The following CNTN5 variants were observed in gnomAD, a reference collection of about 807,000 sequenced individuals.
The protein encoded by CNTN5 is contactin 5.
A neutral mutation model predicts 129.1 loss-of-function variants in CNTN5; 77 were observed. The ratio of observed to expected loss-of-function variants is 0.60; its 90% CI spans 0.50 to 0.72. CNTN5 has a LOEUF of 0.72. CNTN5 is among the 30% of genes least tolerant of loss of function. The pLI is 0.00. For synonymous variants in CNTN5, 509 were observed against 465.6 expected, an observed-to-expected ratio of 1.09 and a Z score of -1.20; for missense variants, 1,478 against 1,328.8, an observed-to-expected ratio of 1.11 and a Z score of -1.75.
Position 100,183,770 on chromosome 11 carries a change from G to T in CNTN5, c.1581-7356G>T, listed in dbSNP as rs142888438. 4.5e-3 allele frequency among the ~76,000 whole-genome samples: 688 copies of T among 152,136 alleles called. 7 individuals carry two copies. Among genetic ancestry groups the T allele is most frequent in the African/African-American group, 0.016 (656 of 41,516 alleles). On this transcript the variant is annotated intron_variant, in intron 13 of 24. Transcript: ENST00000524871. The stretch of plus-strand genomic sequence containing the variant: ...ACACTTTAAACATGTGCGATTATAT[G>T]CCTATAATAACTCAGTAAAGTTGTT...
chr11:99,585,585 G>A (rs1451457183), intron 3 of CNTN5, among the ~76,000 whole-genome samples: 1 of 151,820 alleles, frequency 6.6e-6, no homozygotes, highest in African/African-American at 2.4e-5. Context: ...TTTCAGTATT[G>A]ATTTCTAATA....
At chr11:99,204,174 G>A (rs370079235) in intron 1 of CNTN5, among the ~76,000 whole-genome samples, 35 of 152,222 alleles carry the variant, frequency 2.3e-4, no homozygotes, top group African/African-American at 6.0e-4. Flanking sequence ...AAAGGTAATC[G>A]TTAATTCTCT....
intron 1 of CNTN5, among the ~76,000 whole-genome samples, chr11:99,166,385 G>T (rs1056939124): frequency 1.5e-5 from 2 of 133,812 alleles, no homozygotes; most frequent in Non-Finnish European, 3.1e-5. Flanking sequence ...GGGCCACAGA[G>T]CAAGACTCTG....
chr11:99,703,003 C>T (rs1417979093), intron 3 of CNTN5, among the ~76,000 whole-genome samples: 4 of 150,706 alleles, frequency 2.7e-5, no homozygotes, highest in South Asian at 2.1e-4. Flanking sequence ...AATGTATAAA[C>T]GTCGCATGAA....
At chr11:99,678,510 T>C (rs1043646968) in intron 3 of CNTN5, among the ~76,000 whole-genome samples, 2 of 152,074 alleles carry the variant, frequency 1.3e-5, no homozygotes, top group African/African-American at 4.8e-5. Context: ...ATCAAGAAAG[T>C]CAGCACTTAT....
chr11:100,285,877 G>A lies in CNTN5; in HGVS notation c.2315-11748G>A, dbSNP rs1030846000. ...ATCTCACTAGGGAGTGCCAGACAGT[G>A]GGCGCAGGTCAGTGGGTGCGCGCAC... On this transcript the variant is annotated intron_variant, in intron 18 of 24. Coordinates refer to ENST00000524871, the MANE Select transcript of CNTN5 (RefSeq NM_014361.4). 2.0e-4 allele frequency among the ~76,000 whole-genome samples: 30 copies of A among 152,194 alleles called. 1 individual carries two copies. The highest frequency in any genetic ancestry group is 1.4e-4 in the African/African-American group (6 of 41,458).
At chr11:99,793,461 T>C (rs1182041705) in intron 3 of CNTN5, among the ~76,000 whole-genome samples, 1 of 152,194 alleles carries the variant, frequency 6.6e-6, no homozygotes, top group African/African-American at 2.4e-5. Flanking sequence ...ATTTTATTTC[T>C]TGTCTTCCGC....
chr11:100,111,429 A>G (rs1198116112), intron 13 of CNTN5, among the ~76,000 whole-genome samples: 2 of 152,206 alleles, frequency 1.3e-5, no homozygotes, highest in East Asian at 3.9e-4. Flanking sequence ...TTTGTGATCC[A>G]GAGGCATGGC....
chr11:99,427,099 C>T (rs1943153280), intron 2 of CNTN5, among the ~76,000 whole-genome samples: 2 of 152,254 alleles, frequency 1.3e-5, no homozygotes, highest in South Asian at 4.1e-4. Context: ...GGTTGCTTTC[C>T]TCTGTTAGGG....
intron 1 of CNTN5, among the ~76,000 whole-genome samples, chr11:99,059,278 G>T (rs1181362979): frequency 2.6e-5 from 4 of 151,938 alleles, no homozygotes; most frequent in African/African-American, 7.3e-5. Context: ...AGACTTTCTT[G>T]TCCTTCATTA....
intron 21 of CNTN5, 77 bp downstream of exon 21, chr11:100,308,545 C>CA (rs1951406760): frequency 6.8e-7 from 1 of 1,477,156 alleles, no homozygotes; most frequent in Non-Finnish European, 9.0e-7. Context: ...GTTTTGGTGA[C>CA]ACCTCAGAAT....
At chr11:100,306,154 C>A in intron 20 of CNTN5, among the ~76,000 whole-genome samples, 1 of 151,472 alleles carries the variant, frequency 6.6e-6, no homozygotes, top group East Asian at 1.9e-4. Context: ...ACATGCAGCT[C>A]CCCAAAATGC....
intron 13 of CNTN5, among the ~76,000 whole-genome samples, chr11:100,186,008 T>G (rs936469300): frequency 6.6e-6 from 1 of 152,176 alleles, no homozygotes; most frequent in South Asian, 2.1e-4. Context: ...GCAAGCAGTC[T>G]ATTTGTAAAG....
chr11:100,162,361 T>A lies in CNTN5; in HGVS notation c.1581-28765T>A, dbSNP rs1389802830. 3.3e-5 allele frequency among the ~76,000 whole-genome samples: 5 copies of A among 151,946 alleles called. No individual in the cohort carries two copies. In the East Asian group the frequency reaches 9.7e-4, roughly 29 times the overall value. Reference sequence around the variant, plus strand: ...CTTTATTCTATTCACTAAACAGAACTAACTAGCAATGTTTTGTTAGCCTAA... The same window carrying A: ...CTTTATTCTATTCACTAAACAGAACAAACTAGCAATGTTTTGTTAGCCTAA... On this transcript the variant is annotated intron_variant, in intron 13 of 24. Coordinates refer to ENST00000524871, the MANE Select transcript of CNTN5 (RefSeq NM_014361.4).
At chr11:99,816,687 A>G (rs1946598408) in intron 3 of CNTN5, among the ~76,000 whole-genome samples, 2 of 152,204 alleles carry the variant, frequency 1.3e-5, no homozygotes, top group Admixed American at 6.5e-5. Flanking sequence ...ATATGGCACT[A>G]CAGCCAGAGT....
At chr11:100,193,208 A>G (rs1320350354) in intron 14 of CNTN5, among the ~76,000 whole-genome samples, 3 of 151,970 alleles carry the variant, frequency 2.0e-5, no homozygotes, top group Admixed American at 1.3e-4. Flanking sequence ...CTCCTTCCAT[A>G]ATGTCAAATG....
intron 8 of CNTN5, among the ~76,000 whole-genome samples, chr11:99,982,698 T>C (rs186356425): frequency 2.3e-3 from 351 of 152,274 alleles, no homozygotes; most frequent in African/African-American, 8.3e-3. Flanking sequence ...TGGAGTGCAG[T>C]GGGGCGATCT....
At chr11:100,312,770 A>C (rs977169054) in intron 21 of CNTN5, among the ~76,000 whole-genome samples, 4 of 152,080 alleles carry the variant, frequency 2.6e-5, no homozygotes, top group African/African-American at 9.7e-5. Context: ...AAGCTACTAC[A>C]AAAGCATTAA....
At position 100,309,323 on chromosome 11, in the gene CNTN5, T is replaced by A. The variant is rs1951422217; in HGVS notation, c.2730+855T>A. The A allele has an allele frequency of 6.1e-6, 6 of 983,630 alleles. No homozygotes were observed. The South Asian group carries it at 2.8e-4, about 46-fold the overall frequency. The allele number at this position is 983,630 out of a possible 1,614,324, so 60.9% of individuals were successfully genotyped here. ...TTGTATACTAACATGGTTTCCAGGC[T>A]GAAACATATTTTTAATTCTATTTGA... On this transcript the variant is annotated intron_variant, in intron 21 of 24. Coordinates refer to ENST00000524871, the MANE Select transcript of CNTN5 (RefSeq NM_014361.4).
Sources: allele counts gnomAD v4.1 joint callset (sites outside exome capture counted in the v4.1 genomes callset), GRCh38; gene constraint gnomAD v4.1.1; transcripts MANE v1.5; gene names NCBI Gene and HGNC (gene_info 2026-07-23, HGNC 2026-07-21).